NRCAM: variants seen among roughly 807,000 people sequenced by gnomAD.
NRCAM encodes the protein NgCAM-related cell adhesion molecule.
A neutral mutation model predicts 156.5 loss-of-function variants in NRCAM; 83 were observed. The observed-to-expected ratio is 0.53, with a 90% CI of 0.44 to 0.64. NRCAM has a LOEUF of 0.64. Among genes scored for constraint, NRCAM ranks in the 30% least tolerant of loss-of-function variants. The probability of loss-of-function intolerance (pLI) is 0.00; values close to 1 mark genes in which losing one functional copy is unlikely to be tolerated. For synonymous variants in NRCAM, 538 were observed against 563.9 expected (o/e 0.95, Z 0.65); for missense variants, 1,417 against 1,597.3 (o/e 0.89, Z 1.92).
At chr7:108,239,106 C>T (rs2095354318) in intron 4 of NRCAM, among the ~76,000 whole-genome samples, 2 of 152,022 alleles carry the variant, frequency 1.3e-5, no homozygotes, top group Admixed American at 6.6e-5. Context: ...TTCTGAAGTA[C>T]AGTAATTGTC....
intron 11 of NRCAM, among the ~76,000 whole-genome samples, chr7:108,214,465 AT>A (rs2086680322): frequency 1.4e-5 from 2 of 146,398 alleles, no homozygotes; most frequent in South Asian, 4.4e-4. Context: ...CCCTTTTATC[AT>A]TTTTTATTGT....
At chr7:108,396,303 G>A (rs1277497481) in intron 2 of NRCAM, among the ~76,000 whole-genome samples, 2 of 152,108 alleles carry the variant, frequency 1.3e-5, no homozygotes, top group African/African-American at 2.4e-5. Context: ...TTTTGTACAC[G>A]CACTCTGATA....
Position 108,184,514 on chromosome 7 carries a change from A to T in NRCAM, c.2136T>A (p.Ser712=), listed in dbSNP as rs760091615. 2.2e-5 allele frequency: 35 copies of T among 1,614,042 alleles called. No individual in the cohort carries two copies. The highest frequency in any genetic ancestry group is 2.7e-5 in the Non-Finnish European group (32 of 1,180,032). ...CGCGGAAGGAGTAGTTCACGTAAGG[A>T]GACAGCTTCAGCTGGGCTGTGGTCT... ...GTQTTAQLKL[S]PYVNYSFRVM... is the part of the protein sequence containing the mutation. The change falls in exon 21 of 33, where the codon TCT becomes TCA. Residue 712 remains serine (S), a synonymous_variant. Coordinates refer to ENST00000379028, the MANE Select transcript of NRCAM (RefSeq NM_001037132.4).
intron 1 of NRCAM, among the ~76,000 whole-genome samples, chr7:108,416,973 A>T (rs187162957): frequency 6.6e-6 from 1 of 152,192 alleles, no homozygotes; most frequent in Non-Finnish European, 1.5e-5. Context: ...ACAAACACAT[A>T]TTCTCCAGAG....
At chr7:108,364,511 C>T (rs1351775814) in intron 2 of NRCAM, among the ~76,000 whole-genome samples, 2 of 152,080 alleles carry the variant, frequency 1.3e-5, no homozygotes, top group East Asian at 3.9e-4. Context: ...TATGTATAGA[C>T]CCGGGAGAAC....
chr7:108,422,280 G>A (rs1810997098), intron 1 of NRCAM, among the ~76,000 whole-genome samples: 2 of 152,152 alleles, frequency 1.3e-5, no homozygotes, highest in African/African-American at 2.4e-5. Flanking sequence ...TTTATTTAGT[G>A]CTATATGCCA....
intron 3 of NRCAM, among the ~76,000 whole-genome samples, chr7:108,260,480 C>T (rs755902407): frequency 6.6e-6 from 1 of 152,068 alleles, no homozygotes; most frequent in Non-Finnish European, 1.5e-5. Flanking sequence ...ACTGAGCTGC[C>T]GAGTGTGACT....
intron 2 of NRCAM, among the ~76,000 whole-genome samples, chr7:108,392,560 C>T (rs2099763697): frequency 6.6e-6 from 1 of 152,190 alleles, no homozygotes; most frequent in Admixed American, 6.5e-5. Context: ...CTGAAGCCCT[C>T]TTCTCTCAAC....
chr7:108,238,063 C>CAT, intron 4 of NRCAM, among the ~76,000 whole-genome samples: 3 of 152,218 alleles, frequency 2.0e-5, no homozygotes, highest in Admixed American at 2.0e-4. Flanking sequence ...AATTCCATTC[C>CAT]ATATATGTTG....
chr7:108,447,839 T>C (rs1451374765), intron 1 of NRCAM, among the ~76,000 whole-genome samples: 1 of 152,236 alleles, frequency 6.6e-6, no homozygotes, highest in East Asian at 1.9e-4. Flanking sequence ...TACAGTAAAA[T>C]ATCCCTAGAA....
chr7:108,277,056 A>G (rs1450692352), intron 3 of NRCAM, among the ~76,000 whole-genome samples: 1 of 152,148 alleles, frequency 6.6e-6, no homozygotes, highest in African/African-American at 2.4e-5. Flanking sequence ...AATGTTGAAT[A>G]TTGGCCCCCA....
intron 2 of NRCAM, among the ~76,000 whole-genome samples, chr7:108,384,903 C>T (rs1378035022): frequency 1.3e-5 from 2 of 152,176 alleles, no homozygotes; most frequent in Non-Finnish European, 2.9e-5. Context: ...GCCCTAGTTA[C>T]CTCATGGGTT....
At chr7:108,405,925 C>T (rs1205229588) in intron 1 of NRCAM, among the ~76,000 whole-genome samples, 1 of 151,266 alleles carries the variant, frequency 6.6e-6, no homozygotes, top group Non-Finnish European at 1.5e-5. Context: ...TCAAGACCAG[C>T]CTGGGCAACA....
chr7:108,369,509 A>G (rs541970569), intron 2 of NRCAM, among the ~76,000 whole-genome samples: 121 of 152,252 alleles, frequency 7.9e-4, no homozygotes, highest in African/African-American at 2.8e-3. Context: ...AGATGTTATT[A>G]GCTCACTGTG....
chr7:108,406,382 C>T (rs2099807591), intron 1 of NRCAM, among the ~76,000 whole-genome samples: 1 of 152,056 alleles, frequency 6.6e-6, no homozygotes, highest in Non-Finnish European at 1.5e-5. Flanking sequence ...AGAGCCAAGG[C>T]CTCATGTAAA....
rs2082923253 is a variant in NRCAM at position 108,209,523 on chromosome 7, A to G, written c.973T>C (p.Leu325=). 6.2e-7 allele frequency: 1 copy of G among 1,612,418 alleles called. No individual in the cohort carries two copies. The highest frequency in any genetic ancestry group is 2.2e-5 in the East Asian group (1 of 44,792). Residue 325 remains leucine, a synonymous_variant, in exon 12 of 33, where the codon TTG becomes CTG. Transcript: ENST00000379028. ...GCTTCTGAAACATGAATGATCTGCA[A>G]GGTTTTCTCAAAGTTCTTATAAACT... The part of the protein sequence containing the change: ...RTVYKNFEKT[L]QIIHVSEADS...
intron 3 of NRCAM, among the ~76,000 whole-genome samples, chr7:108,295,745 C>G (rs1215907057): frequency 1.3e-5 from 2 of 152,326 alleles, no homozygotes; most frequent in Admixed American, 1.3e-4. Context: ...TTTGAGTCCG[C>G]AGATGTGAAA....
At chr7:108,397,552 G>A (rs1396729100) in intron 2 of NRCAM, among the ~76,000 whole-genome samples, 1 of 152,142 alleles carries the variant, frequency 6.6e-6, no homozygotes, top group Admixed American at 6.5e-5. Context: ...ATGCTGAGAA[G>A]ACCCAAAGGG....
At chr7:108,266,123 A>T (rs1038408077) in intron 3 of NRCAM, among the ~76,000 whole-genome samples, 1 of 152,202 alleles carries the variant, frequency 6.6e-6, no homozygotes, top group African/African-American at 2.4e-5. Context: ...GAAAAGGGCC[A>T]TTCCACAGTG....
Sources: allele counts gnomAD v4.1 joint callset (sites outside exome capture counted in the v4.1 genomes callset), GRCh38; gene constraint gnomAD v4.1.1; transcripts MANE v1.5; gene names NCBI Gene and HGNC (gene_info 2026-07-23, HGNC 2026-07-21).